The following INO80 variants were observed in gnomAD, a reference collection of about 807,000 sequenced individuals.
INO80 encodes chromatin-remodeling ATPase INO80.
In INO80, 20 loss-of-function variants were observed where a neutral mutation model predicts 203.4. The observed-to-expected ratio is 0.10, with a 90% CI of 0.07 to 0.14. The LOEUF (loss-of-function observed/expected upper bound fraction) is 0.14. Among genes scored for constraint, INO80 ranks in the 10% least tolerant of loss-of-function variants. The pLI is 1.00. For synonymous variants in INO80, 726 were observed against 685.2 expected, an observed-to-expected ratio of 1.06 and a Z score of -0.93; for missense variants, 1,419 against 1,914.4, an observed-to-expected ratio of 0.74 and a Z score of 4.83.
At position 41,067,169 on chromosome 15, in the gene INO80, C is replaced by T. The variant is rs1283418778; in HGVS notation, c.1782+2401G>A. Among the ~76,000 whole-genome samples, 5 of 152,108 alleles carry T rather than the reference C, an allele frequency of 3.3e-5. No individual in the cohort carries two copies. In the East Asian group the frequency reaches 5.8e-4, roughly 18 times the overall value. On this transcript the variant is annotated intron_variant, in intron 14 of 35. Coordinates refer to ENST00000648947, the MANE Select transcript of INO80 (RefSeq NM_017553.3). ...TCGGCTCACTGCAAACTCTGCCCCC[C>T]GGGTTCAAGCAATTTTCCTGCCTCA...
At chr15:41,106,649 G>C (rs1405107473) in intron 1 of INO80, among the ~76,000 whole-genome samples, 1 of 152,050 alleles carries the variant, frequency 6.6e-6, no homozygotes, top group Non-Finnish European at 1.5e-5. Flanking sequence ...AAGAAACCAA[G>C]ATCTGGGCAC....
At chr15:41,006,321 T>C (rs2044039797) in intron 27 of INO80, among the ~76,000 whole-genome samples, 1 of 152,216 alleles carries the variant, frequency 6.6e-6, no homozygotes, top group Admixed American at 6.5e-5. Flanking sequence ...TTCTTAGAAA[T>C]TGCAATTCTT....
chr15:41,053,773 A>G (rs2044930151), intron 19 of INO80, among the ~76,000 whole-genome samples, 156 bp downstream of exon 19: 1 of 152,088 alleles, frequency 6.6e-6, no homozygotes, highest in Non-Finnish European at 1.5e-5. Flanking sequence ...ATTTTCCTCA[A>G]TTATTTGCCT....
At chr15:41,078,948 C>G (rs1459026084) in intron 9 of INO80, among the ~76,000 whole-genome samples, 1 of 152,128 alleles carries the variant, frequency 6.6e-6, no homozygotes, top group East Asian at 1.9e-4. Flanking sequence ...CAAAACCAGC[C>G]TGGCCAACAT....
intron 4 of INO80, among the ~76,000 whole-genome samples, chr15:41,092,798 T>C (rs1044800180): frequency 6.6e-6 from 1 of 152,230 alleles, no homozygotes; most frequent in African/African-American, 2.4e-5. Context: ...GGCTCACACC[T>C]GTAATCCCAA....
intron 1 of INO80, among the ~76,000 whole-genome samples, chr15:41,114,566 G>A (rs184610239): frequency 6.6e-6 from 1 of 152,028 alleles, no homozygotes; most frequent in Non-Finnish European, 1.5e-5. Context: ...AAAATTAGCC[G>A]GGTGTGGTGG....
At chr15:41,020,220 C>T (rs1280045956) in intron 26 of INO80, among the ~76,000 whole-genome samples, 3 of 144,984 alleles carry the variant, frequency 2.1e-5, no homozygotes, top group Non-Finnish European at 4.6e-5. Context: ...GACTCCATCT[C>T]AAAAAAAAAA....
rs79870702 is a variant in INO80 at position 41,016,989 on chromosome 15, C to CT, written c.3275-775dup. On this transcript the variant is annotated intron_variant, in intron 26 of 35. Transcript: ENST00000648947. Reference sequence around the variant, plus strand: ...AGCCATGGTACCCAGCCCCCCTACCCTTTTTTTTTTTTAAACCCAAAACTA... The same window carrying CT: ...AGCCATGGTACCCAGCCCCCCTACCCTTTTTTTTTTTTTAAACCCAAAACTA... 2.3e-3 allele frequency: 338 copies of CT among 146,336 alleles called. 1 individual carries two copies. Among genetic ancestry groups the CT allele is most frequent in the Non-Finnish European group, 3.4e-3 (222 of 66,068 alleles). 9.1% of individuals were successfully genotyped at this position (146,336 alleles called of 1,614,324 possible).
chr15:40,995,273 T>C (rs560159371), intron 29 of INO80, among the ~76,000 whole-genome samples: 1 of 152,284 alleles, frequency 6.6e-6, no homozygotes, highest in South Asian at 2.1e-4. Context: ...GAAAGGAATA[T>C]TGACACCTGA....
At chr15:41,051,605 G>C (rs2044872181) in intron 19 of INO80, among the ~76,000 whole-genome samples, 1 of 151,636 alleles carries the variant, frequency 6.6e-6, no homozygotes, top group African/African-American at 2.4e-5. Flanking sequence ...GAGCCCAGGA[G>C]TTCTGAGACC....
At chr15:41,034,931 G>A (rs73401605) in intron 24 of INO80, among the ~76,000 whole-genome samples, 1 of 152,028 alleles carries the variant, frequency 6.6e-6, no homozygotes, top group Non-Finnish European at 1.5e-5. Context: ...AACTAATGTG[G>A]CAAATTAAAT....
At chr15:41,043,866 C>T (rs758321538) in intron 24 of INO80, among the ~76,000 whole-genome samples, 3 of 152,190 alleles carry the variant, frequency 2.0e-5, no homozygotes, top group African/African-American at 2.4e-5. Context: ...CCTTCTTTGT[C>T]ACCTACTATT....
chr15:41,085,412 C>T lies in INO80; in HGVS notation c.830G>A (p.Arg277His), dbSNP rs1460081541. 6.2e-7 allele frequency: 1 copy of T among 1,614,146 alleles called. No homozygotes were observed. The highest frequency in any genetic ancestry group is 8.5e-7 in the Non-Finnish European group (1 of 1,180,026). The change falls in exon 7 of 36, where the codon CGC becomes CAC. Residue 277 changes from arginine (R) to histidine (H), a missense_variant. Transcript: ENST00000648947. ...HLSIEQLNARRRKVWLSIVKK... is the reference protein window; with the variant it reads ...HLSIEQLNARHRKVWLSIVKK... ...CACAATGCTGAGCCATACTTTCCTG[C>T]GACGAGCATTCAGCTGCTCAATGGA...
chr15:41,093,462 C>G (rs116623021), intron 4 of INO80, among the ~76,000 whole-genome samples: 23 of 151,864 alleles, frequency 1.5e-4, no homozygotes. Context: ...TGACTGCTAA[C>G]GGGTACGGGG....
intron 7 of INO80, among the ~76,000 whole-genome samples, chr15:41,083,495 C>A (rs1282317749): frequency 6.6e-6 from 1 of 151,848 alleles, no homozygotes; most frequent in Non-Finnish European, 1.5e-5. Context: ...CACTTGAGGT[C>A]GGGAGTTCAA....
At chr15:41,008,616 C>T (rs2044086256) in intron 27 of INO80, among the ~76,000 whole-genome samples, 1 of 152,124 alleles carries the variant, frequency 6.6e-6, no homozygotes, top group African/African-American at 2.4e-5. Context: ...ATCAAGCATA[C>T]ATCAATAAAG....
At chr15:40,995,594 G>C (rs1028967314) in intron 29 of INO80, among the ~76,000 whole-genome samples, 1 of 152,152 alleles carries the variant, frequency 6.6e-6, no homozygotes, top group Non-Finnish European at 1.5e-5. Flanking sequence ...AACTAACAGA[G>C]TACCAGCATA....
chr15:41,030,908 G>A (rs936763173), intron 24 of INO80, among the ~76,000 whole-genome samples: 1 of 152,066 alleles, frequency 6.6e-6, no homozygotes, highest in Admixed American at 6.6e-5. Flanking sequence ...CTGACCTCAT[G>A]ATCCGTCCAC....
intron 27 of INO80, among the ~76,000 whole-genome samples, chr15:41,006,731 C>T (rs2044045881): frequency 6.6e-6 from 1 of 152,132 alleles, no homozygotes; most frequent in Non-Finnish European, 1.5e-5. Context: ...ACATGTGAAG[C>T]GAAGCTGGTC....
Sources: gnomAD v4.1 joint callset for allele counts (sites outside exome capture counted in the v4.1 genomes callset) on GRCh38, gnomAD v4.1.1 for gene constraint, MANE v1.5 for transcripts, NCBI Gene and HGNC (gene_info 2026-07-23, HGNC 2026-07-21) for gene names.